The following GRID2IP variants were observed in gnomAD, a reference collection of about 807,000 sequenced individuals.
GRID2IP encodes delphilin.
In GRID2IP, 78 loss-of-function variants were observed where a neutral mutation model predicts 114.3. That is an observed-to-expected ratio of 0.68 (90% CI 0.57 to 0.82). GRID2IP has a LOEUF of 0.82. Among genes scored for constraint, GRID2IP ranks in the 40% least tolerant of loss-of-function variants. The pLI is 0.00. For missense variants in GRID2IP, 1,727 were observed against 1,678.5 expected, an observed-to-expected ratio of 1.03 and a Z score of -0.51; for synonymous variants, 809 against 724.0, an observed-to-expected ratio of 1.12 and a Z score of -1.89.
Position 6,504,853 on chromosome 7 carries a change from C to G in GRID2IP, c.2650G>C (p.Glu884Gln), listed in dbSNP as rs920201178. ...ACCACCTCCTTCTTCCGGAAGGGCT[C>G]CGGCCCCGGCACCGGTTCTGGAAAA... The part of the protein sequence containing the change: ...QKPAKPVPGP[E>Q]PFRKKEVVEI... The change falls in exon 15 of 22, where the codon GAG becomes CAG. Residue 884 changes from glutamate to glutamine, a missense_variant. Transcript: ENST00000457091. 5.2e-6 allele frequency: 8 copies of G among 1,551,238 alleles called. No individual in the cohort carries two copies.
chr7:6,519,921 G>A lies in GRID2IP; in HGVS notation c.1268+657C>T, dbSNP rs1249938756. Among the ~76,000 whole-genome samples, 2 of 152,142 alleles carry A rather than the reference G, an allele frequency of 1.3e-5. No homozygotes were observed. The highest frequency in any genetic ancestry group is 2.4e-5 in the African/African-American group (1 of 41,432). On this transcript the variant is annotated intron_variant, in intron 7 of 21. Transcript: ENST00000457091. This position sits in a 1 kb window ranked among gnomAD's most constrained non-coding sequence, Gnocchi z 4.1. ...AAAAGAAAGACACCAACCCTACCCC[G>A]AAGGGCCTAGCCCATGACAAGTGCC...
intron 4 of GRID2IP, among the ~76,000 whole-genome samples, 191 bp from the exon 5 acceptor site, chr7:6,522,148 G>A (rs1468866683): frequency 4.6e-5 from 7 of 152,074 alleles, no homozygotes; most frequent in East Asian, 3.9e-4. Flanking sequence ...CCAGGAGTTC[G>A]AGACCAGCTT....
intron 1 of GRID2IP, among the ~76,000 whole-genome samples, chr7:6,550,193 A>T (rs1320833988): frequency 1.3e-5 from 2 of 151,952 alleles, no homozygotes; most frequent in South Asian, 4.2e-4. Flanking sequence ...GTGTCTCATT[A>T]CGTTGCCCAG....
At chr7:6,514,589 G>T in intron 7 of GRID2IP, 60 bp from the exon 8 acceptor site, 1 of 1,396,990 alleles carries the variant, frequency 7.2e-7, no homozygotes, top group South Asian at 1.5e-5. Context: ...GATGCACAGA[G>T]TGGGGGTAGA....
chr7:6,541,635 T>C (rs1025978106), intron 1 of GRID2IP, among the ~76,000 whole-genome samples: 5 of 152,092 alleles, frequency 3.3e-5, no homozygotes, highest in Non-Finnish European at 5.9e-5. Context: ...AGCATGCAAA[T>C]AGACATGGTG....
In GRID2IP at chr7:6,521,333, G is replaced by C; in HGVS notation, c.1084+96C>G. ...CGGGGAGGCAAGCTGCAGGTTTAGG[G>C]GAAGAGCTGAGTCCTCCGCACTGTG... On this transcript the variant is annotated intron_variant, in intron 6 of 21. Coordinates refer to ENST00000457091, the MANE Select transcript of GRID2IP (RefSeq NM_001145118.2). This position sits in a 1 kb window ranked among gnomAD's most constrained non-coding sequence, Gnocchi z 4.1. 8.4e-6 allele frequency: 7 copies of C among 836,236 alleles called. No homozygotes were observed. The highest frequency in any genetic ancestry group is 1.3e-5 in the Non-Finnish European group (7 of 547,478). The allele number at this position is 836,236 out of a possible 1,614,324, so 51.8% of individuals were successfully genotyped here.
At position 6,510,306 on chromosome 7, in the gene GRID2IP, C is replaced by G. The variant is rs1786735181; in HGVS notation, c.1748G>C (p.Gly583Ala). ...ACCTGTGGTGACTGCTGGGCTGGGGCCTGGAGGGGAAGCCCGGGATTTGGA... is the reference window on the plus strand; with the variant it reads ...ACCTGTGGTGACTGCTGGGCTGGGGGCTGGAGGGGAAGCCCGGGATTTGGA... ...TVSKSRASPPGPSPAVTTGPR... is the reference protein window; with the variant it reads ...TVSKSRASPPAPSPAVTTGPR... Residue 583 changes from glycine to alanine, a missense_variant, in exon 11 of 22, where the codon GGC becomes GCC. Coordinates refer to ENST00000457091, the MANE Select transcript of GRID2IP (RefSeq NM_001145118.2). 6.5e-7 allele frequency: 1 copy of G among 1,546,468 alleles called. No individual in the cohort carries two copies. Among genetic ancestry groups the G allele is most frequent in the Admixed American group, 2.0e-5 (1 of 49,566 alleles).
intron 10 of GRID2IP, 23 bp downstream of exon 10, chr7:6,510,586 G>C (rs918423154): frequency 6.6e-7 from 1 of 1,506,342 alleles, no homozygotes. Context: ...CTGACCCCAC[G>C]TGGAGGGCAG....
Position 6,500,234 on chromosome 7 carries a change from C to A in GRID2IP, c.3399+1547G>T, listed in dbSNP as rs557367912. ...ATCCCAGCACTTTGGGAGGCCGAGG[C>A]AGGTGGATCATGAGGTCAGGAGTTT... On this transcript the variant is annotated intron_variant, in intron 20 of 21. Coordinates refer to ENST00000457091, the MANE Select transcript of GRID2IP (RefSeq NM_001145118.2). Among the ~76,000 whole-genome samples, 3 of 152,020 alleles carry A rather than the reference C, an allele frequency of 2.0e-5. No homozygotes were observed. The South Asian group carries it at 6.2e-4, about 32-fold the overall frequency.
At chr7:6,514,263 A>G (rs1273963533) in intron 8 of GRID2IP, 112 bp downstream of exon 8, 2 of 1,052,536 alleles carry the variant, frequency 1.9e-6, no homozygotes, top group Admixed American at 3.3e-5. Flanking sequence ...CAAAACAAAC[A>G]AACAAGCAAA....
chr7:6,507,515 G>A lies in GRID2IP; in HGVS notation c.2544+470C>T, dbSNP rs1281020410. Among the ~76,000 whole-genome samples the A allele has an allele frequency of 6.6e-6, 1 of 152,214 alleles. No individual in the cohort carries two copies. The highest frequency in any genetic ancestry group is 1.5e-5 in the Non-Finnish European group (1 of 68,046). On this transcript the variant is annotated intron_variant, in intron 13 of 21. Coordinates refer to ENST00000457091, the MANE Select transcript of GRID2IP (RefSeq NM_001145118.2). This position sits in a 1 kb window ranked among gnomAD's most constrained non-coding sequence, Gnocchi z 5.3. ...AATCCTGGGGAGACAAGATTTCAGA[G>A]CAAGACAAAGGATGGTTAAAATCGT...
rs1201035091 is a variant in GRID2IP at position 6,498,604 on chromosome 7, G to C, written c.3400-376C>G. On this transcript the variant is annotated intron_variant, in intron 20 of 21. Coordinates refer to ENST00000457091, the MANE Select transcript of GRID2IP (RefSeq NM_001145118.2). ...TTTTTTTTTTTTTTTTTTTGAGACAGGGTCTTATTCTGTCGCTCAGCCTGG... is the reference window on the plus strand; with the variant it reads ...TTTTTTTTTTTTTTTTTTTGAGACACGGTCTTATTCTGTCGCTCAGCCTGG... 2.6e-5 allele frequency among the ~76,000 whole-genome samples: 3 copies of C among 117,438 alleles called. No individual in the cohort carries two copies. In the East Asian group the frequency reaches 7.7e-4, roughly 30 times the overall value. 77.0% of individuals were successfully genotyped at this position (117,438 alleles called of 152,430 possible).
Position 6,526,478 on chromosome 7 carries a change from C to A in GRID2IP, c.833+43G>T. On this transcript the variant is annotated intron_variant, in intron 3 of 21. Transcript: ENST00000457091. This position sits in a 1 kb window ranked among gnomAD's most constrained non-coding sequence, Gnocchi z 7.6. ...CCCGGGTCTCGGTCCCGAGCCCACCCGCAGGGAGGCGCCCGCTGCCAGTGC... is the reference window on the plus strand; with the variant it reads ...CCCGGGTCTCGGTCCCGAGCCCACCAGCAGGGAGGCGCCCGCTGCCAGTGC... 5 of 1,383,722 alleles carry A rather than the reference C, an allele frequency of 3.6e-6. No individual in the cohort carries two copies. Among genetic ancestry groups the A allele is most frequent in the Non-Finnish European group, 3.7e-6 (4 of 1,069,624 alleles). The allele number at this position is 1,383,722 out of a possible 1,614,324, so 85.7% of individuals were successfully genotyped here.
At chr7:6,546,212 C>T (rs1007962055) in intron 1 of GRID2IP, among the ~76,000 whole-genome samples, 1 of 151,242 alleles carries the variant, frequency 6.6e-6, no homozygotes, top group East Asian at 2.0e-4. Context: ...AATCCCAGCA[C>T]TTTGGAAGGC....
Position 6,497,485 on chromosome 7 carries a change from C to T in GRID2IP, c.*289G>A. 3.0e-6 allele frequency: 1 copy of T among 333,300 alleles called. No homozygotes were observed. The highest frequency in any genetic ancestry group is 5.5e-6 in the Non-Finnish European group (1 of 182,438). 20.6% of individuals were successfully genotyped at this position (333,300 alleles called of 1,614,324 possible). A position where few individuals can be genotyped will look rare whatever the true frequency, so the allele number is the denominator to read the frequency against. ...TCCACCCTCCAGGCCCCCCTGACAG[C>T]CTGGGAGCGAAGTGGGAAGTGGGCC... is the stretch of plus-strand genomic sequence containing the variant. On this transcript the variant is annotated 3_prime_UTR_variant, in exon 22 of 22. Transcript: ENST00000457091.
At chr7:6,535,620 C>G (rs1005091603) in intron 2 of GRID2IP, among the ~76,000 whole-genome samples, 1 of 152,192 alleles carries the variant, frequency 6.6e-6, no homozygotes, top group East Asian at 1.9e-4. Context: ...AATCCCAGCA[C>G]TTTGGGAGGC....
chr7:6,508,955 C>T lies in GRID2IP; in HGVS notation c.2127+3G>A. ...CTCCCTCCACACCTGCTTGCGTGCCCACCTCCTCGTAGTCGTTCTCCGGGG... is the reference window on the plus strand; with the variant it reads ...CTCCCTCCACACCTGCTTGCGTGCCTACCTCCTCGTAGTCGTTCTCCGGGG... On this transcript the variant is annotated splice_donor_region_variant and intron_variant, in intron 12 of 21. Transcript: ENST00000457091. The surrounding 1 kb of genome is among the most constrained non-coding windows in gnomAD (Gnocchi z 5.6). The T allele has an allele frequency of 1.3e-6, 2 of 1,545,188 alleles. No individual in the cohort carries two copies. Among genetic ancestry groups the T allele is most frequent in the Admixed American group, 3.9e-5 (2 of 50,816 alleles).
At chr7:6,525,988 G>T (rs1331979147) in intron 4 of GRID2IP, among the ~76,000 whole-genome samples, 1 of 152,154 alleles carries the variant, frequency 6.6e-6, no homozygotes, top group East Asian at 1.9e-4. Flanking sequence ...GCAGGGGTGG[G>T]GTGCCCCAAC....
In GRID2IP at chr7:6,508,818, AGCT is replaced by A; in HGVS notation, c.2127+137_2127+139del. The A allele has an allele frequency of 7.5e-7, 1 of 1,325,832 alleles. No homozygotes were observed. The highest frequency in any genetic ancestry group is 1.5e-5 in the South Asian group (1 of 66,162). 82.1% of individuals were successfully genotyped at this position (1,325,832 alleles called of 1,614,324 possible). A position where few individuals can be genotyped will look rare whatever the true frequency, so the allele number is the denominator to read the frequency against. On this transcript the variant is annotated intron_variant, in intron 12 of 21. Coordinates refer to ENST00000457091, the MANE Select transcript of GRID2IP (RefSeq NM_001145118.2). This position sits in a 1 kb window ranked among gnomAD's most constrained non-coding sequence, Gnocchi z 5.6. The stretch of plus-strand genomic sequence containing the variant: ...GGTAACCTGGGGCAAGGGGTGGGAT[AGCT>A]TGAGCTAGGGAGTGGGATAGCCTGG...
Sources: gnomAD v4.1 joint callset for allele counts (sites outside exome capture counted in the v4.1 genomes callset) on GRCh38, gnomAD v4.1.1 for gene constraint, Gnocchi (gnomAD v3.1) non-coding constraint, MANE v1.5 for transcripts, NCBI Gene and HGNC (gene_info 2026-07-23, HGNC 2026-07-21) for gene names.